The following MTMR10 variants were observed in gnomAD, a reference collection of about 807,000 sequenced individuals.
MTMR10 encodes myotubularin-related protein 10.
Under a neutral mutation model 88.1 loss-of-function variants are expected in MTMR10, and 56 were observed. The ratio of observed to expected loss-of-function variants is 0.64; its 90% CI spans 0.51 to 0.79. The LOEUF (loss-of-function observed/expected upper bound fraction) is 0.79, where lower values mean the gene tolerates loss of function less well. MTMR10 is among the 30% of genes least tolerant of loss of function. The pLI, the probability that MTMR10 is intolerant of heterozygous loss-of-function variation, is 0.00. For synonymous variants in MTMR10, 380 were observed against 340.9 expected (o/e 1.11, Z -1.26); for missense variants, 883 against 924.7 (o/e 0.95, Z 0.58).
rs1327456850 is a variant in MTMR10 at position 30,943,052 on chromosome 15, G to A, written c.1569C>T (p.Asn523=). The change falls in exon 15 of 16, where the codon AAC becomes AAT. Residue 523 remains asparagine, a synonymous_variant. Coordinates refer to ENST00000435680, the MANE Select transcript of MTMR10 (RefSeq NM_017762.3). ...AGCCCTTCTCATCACCCAATTGGAT[G>A]TTTTTGCTTATAGCAAATTCCTGCA... ...KQSTEFAISK[N]IQLGDEKGLK... 4 of 1,534,786 alleles carry A rather than the reference G, an allele frequency of 2.6e-6. No individual in the cohort carries two copies. Among genetic ancestry groups the A allele is most frequent in the Middle Eastern group, 1.7e-4 (1 of 5,918 alleles).
chr15:30,930,724 T>A, the MTMR10 span: 2 of 1,598,430 alleles, frequency 1.3e-6, no homozygotes, highest in South Asian at 1.1e-5. Context: ...AGCAACTGAA[T>A]CAGAGGCCAC....
chr15:30,928,710 C>G, the MTMR10 span: 13,126 of 1,610,368 alleles, frequency 8.2e-3, 69 homozygotes, highest in Non-Finnish European at 9.4e-3. Flanking sequence ...ATCCGTGGCT[C>G]ACGCCCACCT....
At chr15:30,968,098 T>C in intron 5 of MTMR10, 88 bp from the exon 6 acceptor site, 11 of 923,610 alleles carry the variant, frequency 1.2e-5, no homozygotes, top group Non-Finnish European at 1.8e-5. Context: ...GGGAGCATCA[T>C]CTTGGGGCAG....
At chr15:30,963,434 T>C (rs904719452) in intron 6 of MTMR10, among the ~76,000 whole-genome samples, 1 of 151,472 alleles carries the variant, frequency 6.6e-6, no homozygotes, top group African/African-American at 2.4e-5. Context: ...ATCGAGACCA[T>C]CTTGGCTAAC....
chr15:30,928,199 A>G, the MTMR10 span: 2 of 1,026,060 alleles, frequency 1.9e-6, no homozygotes, highest in South Asian at 7.4e-5. Context: ...CAGCCCTGCT[A>G]AGTCCCAGCC....
At chr15:30,972,189 T>A (rs913802914) in intron 5 of MTMR10, among the ~76,000 whole-genome samples, 19 of 152,108 alleles carry the variant, frequency 1.2e-4, no homozygotes, top group Admixed American at 5.9e-4. Flanking sequence ...AAATGAGCCA[T>A]AATTTCCTAA....
intron 2 of MTMR10, among the ~76,000 whole-genome samples, chr15:30,983,903 C>T (rs1170978463): frequency 2.0e-5 from 3 of 152,100 alleles, no homozygotes; most frequent in African/African-American, 7.2e-5. Context: ...AGTACCAAGT[C>T]CAGTGAGTAG....
chr15:30,990,763 T>C lies in MTMR10; in HGVS notation c.121+14A>G, dbSNP rs2141081838. On this transcript the variant is annotated intron_variant, in intron 2 of 15. Coordinates refer to ENST00000435680, the MANE Select transcript of MTMR10 (RefSeq NM_017762.3). ...GTTGCTAAAGTATCTGTTAGAATCC[T>C]AACTAATGTTTACCTGGCAAAAGGA... 1 of 1,604,622 alleles carries C rather than the reference T, an allele frequency of 6.2e-7. No individual in the cohort carries two copies. Among genetic ancestry groups the C allele is most frequent in the East Asian group, 2.2e-5 (1 of 44,790 alleles).
chr15:30,942,477 CA>C (rs1003948102), intron 15 of MTMR10: 35 of 257,134 alleles, frequency 1.4e-4, no homozygotes, highest in South Asian at 2.1e-4. Flanking sequence ...AATTTTCTAC[CA>C]AAAAAAATCC....
At chr15:30,944,500 A>T (rs2063138491) in intron 14 of MTMR10, among the ~76,000 whole-genome samples, 1 of 149,452 alleles carries the variant, frequency 6.7e-6, no homozygotes, top group Non-Finnish European at 1.5e-5. Context: ...TGGAAGGCAG[A>T]GGTTGCAGTG....
intron 14 of MTMR10, chr15:30,943,656 G>A: frequency 1.0e-6 from 1 of 985,410 alleles, no homozygotes; most frequent in Non-Finnish European, 1.2e-6. Flanking sequence ...ATGTACACAG[G>A]AGACCCCTCC....
chr15:30,970,680 T>G (rs1375665424), intron 5 of MTMR10, among the ~76,000 whole-genome samples: 1 of 152,180 alleles, frequency 6.6e-6, no homozygotes, highest in Non-Finnish European at 1.5e-5. Context: ...CACAGATCAT[T>G]GATCATGGAC....
chr15:30,943,330 G>T, intron 14 of MTMR10: 1 of 985,274 alleles, frequency 1.0e-6, no homozygotes, highest in Non-Finnish European at 1.2e-6. Context: ...TGCCCTTTGG[G>T]CAATAAGAAT....
At chr15:30,932,823 G>A in the MTMR10 span, among the ~76,000 whole-genome samples, 2 of 148,048 alleles carry the variant, frequency 1.4e-5, no homozygotes, top group African/African-American at 2.5e-5. Context: ...AGTGATTCTC[G>A]TGCCTCAGCC....
the MTMR10 span, chr15:30,928,361 T>C: frequency 3.6e-6 from 5 of 1,398,186 alleles, no homozygotes; most frequent in African/African-American, 7.3e-5. Context: ...AGGCTCTGTA[T>C]ATAAACAACA....
chr15:30,948,427 G>A lies in MTMR10; in HGVS notation c.1252C>T (p.Gln418Ter). Residue 418 changes from glutamine (Q) to a stop codon, truncating the protein, a stop_gained, in exon 13 of 16, where the codon CAA becomes TAA. Transcript: ENST00000435680. LOFTEE classifies it high-confidence loss of function. ...CTAAAATAGGGATCCAGCATCACTT[G>A]AACAAGAGAAGCTACACAACAGCTC... ...DLSCCVASLVQVMLDPYFRTI... is the reference protein window; with the variant it reads ...DLSCCVASLV 6.2e-7 allele frequency: 1 copy of A among 1,612,240 alleles called. No individual in the cohort carries two copies.
Position 30,953,164 on chromosome 15 carries a change from A to G in MTMR10, c.1136+398T>C, listed in dbSNP as rs971125274. Among the ~76,000 whole-genome samples the G allele has an allele frequency of 4.6e-5, 7 of 152,324 alleles. No individual in the cohort carries two copies. The South Asian group carries it at 1.4e-3, about 32-fold the overall frequency. ...GAAGGGGTTGACTTATGACAAAACTATAGAGATTGAGAAGAGATTAGTGGT... is the reference window on the plus strand; with the variant it reads ...GAAGGGGTTGACTTATGACAAAACTGTAGAGATTGAGAAGAGATTAGTGGT... On this transcript the variant is annotated intron_variant, in intron 11 of 15. Coordinates refer to ENST00000435680, the MANE Select transcript of MTMR10 (RefSeq NM_017762.3).
intron 15 of MTMR10, 123 bp downstream of exon 15, chr15:30,942,767 C>T (rs1038046539): frequency 9.7e-7 from 1 of 1,035,648 alleles, no homozygotes; most frequent in African/African-American, 1.7e-5. Flanking sequence ...GGAATGACCC[C>T]TCAGAAACCC....
chr15:30,963,586 G>A (rs564443967), intron 6 of MTMR10, among the ~76,000 whole-genome samples: 10 of 152,234 alleles, frequency 6.6e-5, no homozygotes, highest in African/African-American at 1.9e-4. Context: ...GCAGTGAGCC[G>A]AGATCGTACC....
Sources: gnomAD v4.1 joint callset for allele counts (sites outside exome capture counted in the v4.1 genomes callset) on GRCh38, gnomAD v4.1.1 for gene constraint, MANE v1.5 for transcripts, NCBI Gene and HGNC (gene_info 2026-07-23, HGNC 2026-07-21) for gene names.